The following LSAMP variants were observed in gnomAD, a reference collection of about 807,000 sequenced individuals.
LSAMP encodes the protein limbic system-associated membrane protein.
Under a neutral mutation model 38.6 loss-of-function variants are expected in LSAMP, and 7 were observed. The observed-to-expected ratio is 0.18, with a 90% CI of 0.10 to 0.34. The LOEUF (loss-of-function observed/expected upper bound fraction) is 0.34. Ranked by LOEUF, LSAMP falls within the 10% of genes least tolerant of loss-of-function variation. The pLI, the probability that LSAMP is intolerant of heterozygous loss-of-function variation, is 1.00. For synonymous variants in LSAMP, 154 were observed against 166.8 expected, an observed-to-expected ratio of 0.92 and a Z score of 0.59; for missense variants, 313 against 420.0, an observed-to-expected ratio of 0.75 and a Z score of 2.23.
intron 3 of LSAMP, among the ~76,000 whole-genome samples, chr3:116,006,934 G>T (rs1321680370): frequency 6.6e-6 from 1 of 151,994 alleles, no homozygotes; most frequent in Non-Finnish European, 1.5e-5. Context: ...CCCTGATCTG[G>T]ATCTGTCTTC....
At chr3:116,346,685 A>G (rs1244472907) in intron 1 of LSAMP, among the ~76,000 whole-genome samples, 1 of 152,208 alleles carries the variant, frequency 6.6e-6, no homozygotes, top group Non-Finnish European at 1.5e-5. Context: ...TTCATTTTTC[A>G]GAATATGATA....
At chr3:116,208,394 C>G (rs13073450) in intron 1 of LSAMP, among the ~76,000 whole-genome samples, 75,836 of 151,850 alleles carry the variant, frequency 0.5, 21,443 homozygotes, top group East Asian at 0.74. Flanking sequence ...GCCTTCTTCT[C>G]TCAGCTCATC....
At chr3:115,840,134 A>C (rs1215050665) in intron 6 of LSAMP, among the ~76,000 whole-genome samples, 4 of 152,234 alleles carry the variant, frequency 2.6e-5, no homozygotes, top group Non-Finnish European at 5.9e-5. Flanking sequence ...ATATATCATT[A>C]GCATAGTTCT....
At chr3:116,045,064 C>A (rs1941261481) in intron 2 of LSAMP, among the ~76,000 whole-genome samples, 1 of 152,102 alleles carries the variant, frequency 6.6e-6, no homozygotes, top group Non-Finnish European at 1.5e-5. Context: ...GTAGGCTTCA[C>A]AAAGGTTCTT....
At chr3:116,287,492 C>G (rs1331332891) in intron 1 of LSAMP, among the ~76,000 whole-genome samples, 1 of 152,066 alleles carries the variant, frequency 6.6e-6, no homozygotes. Flanking sequence ...AATGTTTATT[C>G]CTTTTTGTGT....
At chr3:116,420,582 T>A (rs980823115) in intron 1 of LSAMP, among the ~76,000 whole-genome samples, 1 of 151,784 alleles carries the variant, frequency 6.6e-6, no homozygotes, top group Non-Finnish European at 1.5e-5. Context: ...AATAAATAAA[T>A]TGGGCCGGGC....
At chr3:115,931,556 G>A (rs989204173) in intron 3 of LSAMP, among the ~76,000 whole-genome samples, 8 of 152,256 alleles carry the variant, frequency 5.3e-5, no homozygotes, top group Non-Finnish European at 1.0e-4. Flanking sequence ...TGTTTAGAGC[G>A]TGTCTCCACC....
At chr3:116,276,307 G>GTCTT (rs1387284071) in intron 1 of LSAMP, among the ~76,000 whole-genome samples, 2 of 152,216 alleles carry the variant, frequency 1.3e-5, no homozygotes, top group Non-Finnish European at 2.9e-5. Flanking sequence ...AAAAAGATCA[G>GTCTT]TCTTTGCACA....
chr3:116,244,128 A>T (rs1328183203), intron 1 of LSAMP, among the ~76,000 whole-genome samples: 1 of 152,166 alleles, frequency 6.6e-6, no homozygotes, highest in Non-Finnish European at 1.5e-5. Context: ...TTTAACACTA[A>T]TAAGTTTATT....
At chr3:116,160,832 C>T (rs1381712052) in intron 1 of LSAMP, among the ~76,000 whole-genome samples, 3 of 152,144 alleles carry the variant, frequency 2.0e-5, no homozygotes, top group Non-Finnish European at 4.4e-5. Context: ...AAGGCTACAC[C>T]TTAGAGATTC....
intron 3 of LSAMP, among the ~76,000 whole-genome samples, chr3:115,894,711 CT>C (rs1206145004): frequency 3.3e-5 from 5 of 151,968 alleles, no homozygotes; most frequent in Admixed American, 3.3e-4. Flanking sequence ...ATTAATTTGC[CT>C]GTAATGAAAC....
At chr3:115,840,512 T>C (rs763694807) in intron 6 of LSAMP, among the ~76,000 whole-genome samples, 25 of 152,352 alleles carry the variant, frequency 1.6e-4, no homozygotes, top group Middle Eastern at 3.4e-3. Flanking sequence ...AGTAAACATG[T>C]TGTGAATTTT....
chr3:115,842,648 TGAAGAAGGACA>T (rs869230371), intron 4 of LSAMP, 70 bp from the exon 5 acceptor site: 5 of 1,583,604 alleles, frequency 3.2e-6, no homozygotes, highest in African/African-American at 2.7e-5. Flanking sequence ...CAGGAAGGAA[TGAAGAAGGACA>T]ATCTGATTAG....
At chr3:115,859,366 A>T (rs1935603947) in intron 3 of LSAMP, among the ~76,000 whole-genome samples, 1 of 152,230 alleles carries the variant, frequency 6.6e-6, no homozygotes. Flanking sequence ...AACAAAAACA[A>T]AAACAAAAAC....
intron 1 of LSAMP, among the ~76,000 whole-genome samples, chr3:116,223,576 C>T (rs550681145): frequency 3.9e-5 from 6 of 152,238 alleles, no homozygotes; most frequent in African/African-American, 1.4e-4. Flanking sequence ...AAACAATTTG[C>T]ATGCTAGTAT....
intron 2 of LSAMP, among the ~76,000 whole-genome samples, chr3:116,054,222 T>A (rs1941448415): frequency 1.3e-5 from 2 of 152,236 alleles, no homozygotes; most frequent in African/African-American, 4.8e-5. Context: ...TCTGAAGCTA[T>A]GTTTTTGTCA....
At chr3:115,981,522 A>G (rs954359380) in intron 3 of LSAMP, among the ~76,000 whole-genome samples, 1 of 152,110 alleles carries the variant, frequency 6.6e-6, no homozygotes, top group Non-Finnish European at 1.5e-5. Flanking sequence ...CTATTATTTT[A>G]TAATCATATT....
chr3:116,371,858 C>A (rs1217705837), intron 1 of LSAMP, among the ~76,000 whole-genome samples: 1 of 151,820 alleles, frequency 6.6e-6, no homozygotes, highest in African/African-American at 2.4e-5. Flanking sequence ...AATCAACGCA[C>A]AAAATCAGTT....
chr3:116,115,892 T>G (rs902257162), intron 1 of LSAMP, among the ~76,000 whole-genome samples: 14 of 151,976 alleles, frequency 9.2e-5, no homozygotes, highest in Admixed American at 5.9e-4. Flanking sequence ...CCTTATCCCA[T>G]TATTCTGAAA....
Sources: gnomAD v4.1 joint callset for allele counts (sites outside exome capture counted in the v4.1 genomes callset) on GRCh38, gnomAD v4.1.1 for gene constraint, MANE v1.5 for transcripts, NCBI Gene and HGNC (gene_info 2026-07-23, HGNC 2026-07-21) for gene names.